Variants in SSU72 observed in about 807,000 individuals in gnomAD.
The protein encoded by SSU72 is SSU72 homolog, RNA polymerase II CTD phosphatase, also known as RNA polymerase II subunit A C-terminal domain phosphatase SSU72.
Under a neutral mutation model 22.7 loss-of-function variants are expected in SSU72, and 12 were observed. The observed-to-expected ratio is 0.53, with a 90% CI of 0.34 to 0.86. The LOEUF (loss-of-function observed/expected upper bound fraction) is 0.86. Ranked by LOEUF, SSU72 falls within the 40% of genes least tolerant of loss-of-function variation. The probability of loss-of-function intolerance (pLI) is 0.02; values close to 1 mark genes in which losing one functional copy is unlikely to be tolerated. For synonymous variants in SSU72, 116 were observed against 98.3 expected (o/e 1.18, Z -1.06); for missense variants, 151 against 249.8 (o/e 0.60, Z 2.67).
chr1:1,564,622 T>A (rs770569118), intron 2 of SSU72, 151 bp downstream of exon 2: 2 of 1,613,686 alleles, frequency 1.2e-6, no homozygotes, highest in South Asian at 2.2e-5. Context: ...CGATCCGACG[T>A]GCACCAGGAA....
At chr1:1,570,000 A>C (rs1179868697) in intron 1 of SSU72, among the ~76,000 whole-genome samples, 1 of 152,154 alleles carries the variant, frequency 6.6e-6, no homozygotes. Context: ...TTAACGCCTA[A>C]AAGACTCTCT....
intron 1 of SSU72, among the ~76,000 whole-genome samples, chr1:1,566,716 G>A (rs1011001774): frequency 2.0e-5 from 3 of 152,016 alleles, no homozygotes; most frequent in African/African-American, 7.3e-5. Flanking sequence ...GGCGGGCGAG[G>A]CGGCGGGCGC....
chr1:1,545,358 G>A, intron 2 of SSU72: 1 of 263,354 alleles, frequency 3.8e-6, no homozygotes, highest in Non-Finnish European at 7.3e-6. Context: ...CAGTCACTGT[G>A]TCTCCGCAGT....
At chr1:1,568,435 A>AT (rs1642688253) in intron 1 of SSU72, among the ~76,000 whole-genome samples, 1 of 151,528 alleles carries the variant, frequency 6.6e-6, no homozygotes, top group African/African-American at 2.4e-5. Context: ...CTACTTTAAA[A>AT]AAAAAATAAA....
At position 1,554,840 on chromosome 1, in the gene SSU72, G is replaced by A. The variant is rs950569306; in HGVS notation, c.225-9838C>T. Among the ~76,000 whole-genome samples the A allele has an allele frequency of 3.9e-5, 6 of 152,134 alleles. No individual in the cohort carries two copies. Among genetic ancestry groups the A allele is most frequent in the East Asian group, 1.9e-4 (1 of 5,186 alleles). ...CCATCCTGGGTTCCCTGCTGCCGGCGCCAGCCCCACGTACCCCCGACCACC... is the reference window on the plus strand; with the variant it reads ...CCATCCTGGGTTCCCTGCTGCCGGCACCAGCCCCACGTACCCCCGACCACC... On this transcript the variant is annotated intron_variant, in intron 2 of 4. Coordinates refer to ENST00000291386, the MANE Select transcript of SSU72 (RefSeq NM_014188.3). This position sits in a 1 kb window ranked among gnomAD's most constrained non-coding sequence, Gnocchi z 4.1.
At position 1,564,239 on chromosome 1, in the gene SSU72, G is replaced by A. The variant is rs1642630959; in HGVS notation, c.224+534C>T. On this transcript the variant is annotated intron_variant, in intron 2 of 4. Transcript: ENST00000291386. ...TATAGGAGTCTTCGCGGCAGACCTA[G>A]CCTGCTCTGTGTCCTCCTGAAATGA... 23 of 401,576 alleles carry A rather than the reference G, an allele frequency of 5.7e-5. No homozygotes were observed. The South Asian group carries it at 8.6e-4, about 15-fold the overall frequency. 24.9% of individuals were successfully genotyped at this position (401,576 alleles called of 1,614,324 possible).
At position 1,542,312 on chromosome 1, in the gene SSU72, C is replaced by T. The variant is rs756457488; in HGVS notation, c.484-145G>A. 5.3e-6 allele frequency: 4 copies of T among 749,938 alleles called. No individual in the cohort carries two copies. The highest frequency in any genetic ancestry group is 2.5e-5 in the Admixed American group (1 of 40,328). The allele number at this position is 749,938 out of a possible 1,614,324, so 46.5% of individuals were successfully genotyped here. ...CCCTCACCCCACCGCTGCTGCCTCACAAGGACGGCCGGAGGCTGCAGGGGG... is the reference window on the plus strand; with the variant it reads ...CCCTCACCCCACCGCTGCTGCCTCATAAGGACGGCCGGAGGCTGCAGGGGG... On this transcript the variant is annotated intron_variant, in intron 4 of 4. Coordinates refer to ENST00000291386, the MANE Select transcript of SSU72 (RefSeq NM_014188.3). The surrounding 1 kb of genome is among the most constrained non-coding windows in gnomAD (Gnocchi z 4.4).
chr1:1,545,292 C>A, intron 2 of SSU72: 1 of 414,224 alleles, frequency 2.4e-6, no homozygotes, highest in East Asian at 5.0e-5. Context: ...CAGCATGACA[C>A]CTTCTACCCA....
intron 2 of SSU72, among the ~76,000 whole-genome samples, chr1:1,551,209 G>C (rs139304198): frequency 6.6e-6 from 1 of 152,200 alleles, no homozygotes; most frequent in African/African-American, 2.4e-5. Flanking sequence ...AGCCACACAC[G>C]TCTCCCAGAG....
Position 1,557,269 on chromosome 1 carries a change from C to T in SSU72, c.224+7504G>A, listed in dbSNP as rs1642532787. 3.3e-5 allele frequency among the ~76,000 whole-genome samples: 5 copies of T among 151,920 alleles called. No individual in the cohort carries two copies. The South Asian group carries it at 6.2e-4, about 19-fold the overall frequency. Reference sequence around the variant, plus strand: ...CTCTACTAAAAATACAAAAATTAGCCGGGTGTGGCAGTGCATGCCTATAAT... The same window carrying T: ...CTCTACTAAAAATACAAAAATTAGCTGGGTGTGGCAGTGCATGCCTATAAT... On this transcript the variant is annotated intron_variant, in intron 2 of 4. Coordinates refer to ENST00000291386, the MANE Select transcript of SSU72 (RefSeq NM_014188.3).
At chr1:1,562,566 T>C (rs771050822) in intron 2 of SSU72, 4 of 151,570 alleles carry the variant, frequency 2.6e-5, no homozygotes, top group African/African-American at 9.7e-5. Context: ...TGGTCACGCA[T>C]CGCCTAAGAC....
rs1642495782 is a variant in SSU72, at chr1:1,554,470, C to G, written c.225-9468G>C. ...CTCTCAGGATAAACCACCCAGGGCC[C>G]CAAGGTGCCAGGACATACCAGGAAA... On this transcript the variant is annotated intron_variant, in intron 2 of 4. Transcript: ENST00000291386. This position sits in a 1 kb window ranked among gnomAD's most constrained non-coding sequence, Gnocchi z 4.1. Among the ~76,000 whole-genome samples the G allele has an allele frequency of 1.3e-5, 2 of 152,204 alleles. No homozygotes were observed. Among genetic ancestry groups the G allele is most frequent in the African/African-American group, 4.8e-5 (2 of 41,446 alleles).
intron 2 of SSU72, among the ~76,000 whole-genome samples, chr1:1,552,149 CCGCGTGGA>C (rs1372085376): frequency 6.6e-6 from 1 of 152,088 alleles, no homozygotes; most frequent in Non-Finnish European, 1.5e-5. Flanking sequence ...CTCACGCTGG[CCGCGTGGA>C]CGCAGGGCCA....
At chr1:1,558,922 G>A (rs1642551842) in intron 2 of SSU72, among the ~76,000 whole-genome samples, 1 of 152,198 alleles carries the variant, frequency 6.6e-6, no homozygotes. Flanking sequence ...GGCACTCCAA[G>A]CAAGCTTGGG....
chr1:1,567,539 G>A (rs1171170529), intron 1 of SSU72, among the ~76,000 whole-genome samples: 1 of 152,162 alleles, frequency 6.6e-6, no homozygotes. Context: ...TCAACTGTTG[G>A]TTGTGACTGA....
chr1:1,545,985 A>T (rs1557495248), intron 2 of SSU72: 1 of 152,288 alleles, frequency 6.6e-6, no homozygotes, highest in African/African-American at 2.4e-5. Context: ...CACCGGCCCC[A>T]GCAGTCCCAG....
intron 1 of SSU72, among the ~76,000 whole-genome samples, chr1:1,571,335 G>A (rs964239180): frequency 1.0e-4 from 15 of 142,928 alleles, no homozygotes; most frequent in Non-Finnish European, 1.5e-4. Flanking sequence ...CGGAGGGTTT[G>A]AAGGAGAATC....
rs547591583 is a variant in SSU72 at position 1,541,743 on chromosome 1, C to T, written c.*323G>A. 1.1e-5 allele frequency: 4 copies of T among 375,744 alleles called. No homozygotes were observed. Among genetic ancestry groups the T allele is most frequent in the Admixed American group, 3.9e-5 (1 of 25,834 alleles). 23.3% of individuals were successfully genotyped at this position (375,744 alleles called of 1,614,324 possible). On this transcript the variant is annotated 3_prime_UTR_variant, in exon 5 of 5. Transcript: ENST00000291386. ...CGCCGCAGCAGGGCTCTGTACAGTC[C>T]GGCCCGGTGGGGAGGAGGGAGGGAA... is the stretch of plus-strand genomic sequence containing the variant.
chr1:1,566,497 C>T (rs1007002309), intron 1 of SSU72, among the ~76,000 whole-genome samples: 1 of 152,196 alleles, frequency 6.6e-6, no homozygotes, highest in African/African-American at 2.4e-5. Flanking sequence ...AAAAGTGCTG[C>T]TGCTTCGCTC....
Sources: allele counts gnomAD v4.1 joint callset (sites outside exome capture counted in the v4.1 genomes callset), GRCh38; gene constraint gnomAD v4.1.1; non-coding constraint Gnocchi (gnomAD v3.1); transcripts MANE v1.5; gene names NCBI Gene and HGNC (gene_info 2026-07-23, HGNC 2026-07-21).